Variants in DESI1 observed in about 807,000 individuals in gnomAD.
DESI1 encodes desumoylating isopeptidase 1.
DESI1 carries 17 observed loss-of-function variants against 22.4 expected under a neutral mutation model. The observed-to-expected ratio is 0.76, with a 90% CI of 0.52 to 1.14. The LOEUF is 1.14. Among genes scored for constraint, DESI1 ranks in the 50% most tolerant of loss-of-function variants. The pLI, the probability that DESI1 is intolerant of heterozygous loss-of-function variation, is 0.00. For synonymous variants in DESI1, 92 were observed against 84.2 expected (o/e 1.09, Z -0.51); for missense variants, 177 against 208.9 (o/e 0.85, Z 0.94).
At chr22:41,606,795 A>AG (rs1569067120) in intron 3 of DESI1, among the ~76,000 whole-genome samples, 1 of 150,848 alleles carries the variant, frequency 6.6e-6, no homozygotes. Context: ...AAAAAAAAAA[A>AG]AAAAAAGAAA....
intron 5 of DESI1, chr22:41,602,351 CA>C (rs1466261674): frequency 4.1e-6 from 4 of 985,358 alleles, no homozygotes; most frequent in Admixed American, 6.1e-5. Flanking sequence ...GATCCCTCAG[CA>C]GAGCTGTGGG....
chr22:41,618,998 A>T (rs1290124067), intron 1 of DESI1, among the ~76,000 whole-genome samples: 1 of 151,904 alleles, frequency 6.6e-6, no homozygotes, highest in Non-Finnish European at 1.5e-5. Context: ...CGGGAGGCGG[A>T]GCTTGCAGTG....
In DESI1 at chr22:41,607,306, C is replaced by A. The variant is rs866622431; in HGVS notation, c.136G>T (p.Asp46Tyr). 6.2e-7 allele frequency: 1 copy of A among 1,612,872 alleles called. No homozygotes were observed. The highest frequency in any genetic ancestry group is 1.1e-5 in the South Asian group (1 of 90,910). The change falls in exon 3 of 6, where the codon GAT becomes TAT. Residue 46 changes from aspartate to tyrosine, a missense_variant. Physicochemically the swap from Asp to Tyr is radical, Grantham distance 160. Transcript: ENST00000263256. The part of the protein sequence containing the change: ...IWHTSIVVHK[D>Y]EFFFGSGGIS... ...CCACCACTGCCGAAGAAGAACTCATCCTTGTGCACAACTATGGATGTGTGC... is the reference window on the plus strand; with the variant it reads ...CCACCACTGCCGAAGAAGAACTCATACTTGTGCACAACTATGGATGTGTGC...
intron 2 of DESI1, 125 bp downstream of exon 2, chr22:41,607,715 G>A (rs2067491363): frequency 4.4e-6 from 5 of 1,142,860 alleles, no homozygotes; most frequent in African/African-American, 1.5e-5. Context: ...CACTGCTTTA[G>A]GGCTTGAAGA....
chr22:41,607,867 G>C lies in DESI1; in HGVS notation c.89-6C>G. On this transcript the variant is annotated splice_polypyrimidine_tract_variant and splice_region_variant and intron_variant, in intron 1 of 5. Transcript: ENST00000263256. ...GATGCCTTCCAGTTGTTTCCCTGTG[G>C]AGAGAAGAAGAGATTTAGCCACTTG... is the stretch of plus-strand genomic sequence containing the variant. The C allele has an allele frequency of 6.2e-7, 1 of 1,614,202 alleles. No individual in the cohort carries two copies. Among genetic ancestry groups the C allele is most frequent in the Non-Finnish European group, 8.5e-7 (1 of 1,180,032 alleles).
chr22:41,620,604 G>C, intron 1 of DESI1, 148 bp downstream of exon 1: 1 of 753,080 alleles, frequency 1.3e-6, no homozygotes, highest in East Asian at 2.9e-5. Flanking sequence ...CCAAACTTCA[G>C]ACCACTCTCT....
chr22:41,600,085 A>G lies in DESI1; in HGVS notation c.*1012T>C, dbSNP rs1475743781. 6.6e-6 allele frequency: 1 copy of G among 152,082 alleles called. No homozygotes were observed. The highest frequency in any genetic ancestry group is 1.5e-5 in the Non-Finnish European group (1 of 68,042). 9.4% of individuals were successfully genotyped at this position (152,082 alleles called of 1,614,324 possible). A position where few individuals can be genotyped will look rare whatever the true frequency, so the allele number is the denominator to read the frequency against. On this transcript the variant is annotated 3_prime_UTR_variant, in exon 6 of 6. Coordinates refer to ENST00000263256, the MANE Select transcript of DESI1 (RefSeq NM_015704.3). ...TCCCAGCTACTCAGGAGGCTGAGGC[A>G]GGAGAACCACTTGAACCCGGGAGGC...
chr22:41,606,633 G>A (rs1431897598), intron 3 of DESI1, among the ~76,000 whole-genome samples: 1 of 151,900 alleles, frequency 6.6e-6, no homozygotes, highest in Non-Finnish European at 1.5e-5. Flanking sequence ...AATTAGCTGG[G>A]TGTAGTGGCA....
chr22:41,605,296 C>G (rs996274651), intron 3 of DESI1, among the ~76,000 whole-genome samples: 1 of 152,062 alleles, frequency 6.6e-6, no homozygotes, highest in Non-Finnish European at 1.5e-5. Context: ...TAATGGCTCC[C>G]GAAAGGCCTA....
intron 1 of DESI1, among the ~76,000 whole-genome samples, chr22:41,616,049 C>G (rs2067548775): frequency 1.3e-5 from 2 of 152,136 alleles, no homozygotes; most frequent in African/African-American, 4.8e-5. Context: ...TTGAGACCAG[C>G]CTGACCAACA....
chr22:41,602,376 C>T (rs2067453993), intron 5 of DESI1: 2 of 985,462 alleles, frequency 2.0e-6, no homozygotes, highest in South Asian at 9.4e-5. Context: ...GCAAACTCAT[C>T]GAATGATAGG....
chr22:41,607,699 G>T, intron 2 of DESI1, 141 bp downstream of exon 2: 1 of 992,378 alleles, frequency 1.0e-6, no homozygotes, highest in Non-Finnish European at 1.5e-6. Context: ...AAGAACTGAT[G>T]AGAAGCACTG....
chr22:41,603,010 T>G, intron 5 of DESI1: 1 of 618,828 alleles, frequency 1.6e-6, no homozygotes, highest in Non-Finnish European at 2.6e-6. Context: ...CTGAAGCCAG[T>G]GTCAAGTGGG....
At chr22:41,610,839 C>T (rs1441447438) in intron 1 of DESI1, among the ~76,000 whole-genome samples, 2 of 150,548 alleles carry the variant, frequency 1.3e-5, no homozygotes, top group African/African-American at 4.9e-5. Context: ...CGCCATTGTA[C>T]TCCAGCCTGG....
At position 41,620,965 on chromosome 22, in the gene DESI1, G is replaced by A; in HGVS notation, c.-126C>T. On this transcript the variant is annotated 5_prime_UTR_variant, in exon 1 of 6. Coordinates refer to ENST00000263256, the MANE Select transcript of DESI1 (RefSeq NM_015704.3). ...GGACCGAGCCCGGGCCCGGGCTGAG[G>A]GGTGGGGGAGAGGCCGCCCTGCGCT... The A allele has an allele frequency of 1.9e-6, 2 of 1,029,416 alleles. No individual in the cohort carries two copies. The highest frequency in any genetic ancestry group is 2.8e-6 in the Non-Finnish European group (2 of 708,090). The allele number at this position is 1,029,416 out of a possible 1,614,324, so 63.8% of individuals were successfully genotyped here. A position where few individuals can be genotyped will look rare whatever the true frequency, so the allele number is the denominator to read the frequency against.
At position 41,604,163 on chromosome 22, in the gene DESI1, C is replaced by A. The variant is rs769821535; in HGVS notation, c.181-10G>T. 2 of 1,612,478 alleles carry A rather than the reference C, an allele frequency of 1.2e-6. No individual in the cohort carries two copies. Among genetic ancestry groups the A allele is most frequent in the South Asian group, 2.2e-5 (2 of 90,968 alleles). Reference sequence around the variant, plus strand: ...CAAGCAATGTCCCTCCCTAAAAGAGCCAACCCAAAGGAAGTCATTAAGTTA... The same window carrying A: ...CAAGCAATGTCCCTCCCTAAAAGAGACAACCCAAAGGAAGTCATTAAGTTA... On this transcript the variant is annotated splice_polypyrimidine_tract_variant and intron_variant, in intron 3 of 5. Coordinates refer to ENST00000263256, the MANE Select transcript of DESI1 (RefSeq NM_015704.3).
chr22:41,614,162 G>A (rs1601514901), intron 1 of DESI1, among the ~76,000 whole-genome samples: 1 of 150,398 alleles, frequency 6.6e-6, no homozygotes, highest in Non-Finnish European at 1.5e-5. Flanking sequence ...TCAGCCTCCC[G>A]AGTAGCTGGG....
At chr22:41,616,219 G>A (rs919056301) in intron 1 of DESI1, among the ~76,000 whole-genome samples, 1 of 152,122 alleles carries the variant, frequency 6.6e-6, no homozygotes, top group African/African-American at 2.4e-5. Context: ...CTCCAGCCTG[G>A]GCAACAAGAG....
At chr22:41,609,439 T>C (rs1335720126) in intron 1 of DESI1, among the ~76,000 whole-genome samples, 3 of 152,198 alleles carry the variant, frequency 2.0e-5, no homozygotes, top group African/African-American at 4.8e-5. Flanking sequence ...AAATGGAGGC[T>C]CTTATTAGGT....
Sources: gnomAD v4.1 joint callset for allele counts (sites outside exome capture counted in the v4.1 genomes callset) on GRCh38, gnomAD v4.1.1 for gene constraint, MANE v1.5 for transcripts, NCBI Gene and HGNC (gene_info 2026-07-23, HGNC 2026-07-21) for gene names.